The following STPG2 variants were observed in gnomAD, a reference collection of about 807,000 sequenced individuals.
STPG2 encodes sperm-tail PG-rich repeat-containing protein 2.
In STPG2, 56 loss-of-function variants were observed where a neutral mutation model predicts 54.2. The observed-to-expected ratio is 1.03, with a 90% CI of 0.83 to 1.29. The LOEUF (loss-of-function observed/expected upper bound fraction) is 1.29. STPG2 is among the 50% of genes most tolerant of loss of function. The pLI is 0.00. For synonymous variants in STPG2, 200 were observed against 181.8 expected, an observed-to-expected ratio of 1.10 and a Z score of -0.81; for missense variants, 596 against 544.9, an observed-to-expected ratio of 1.09 and a Z score of -0.93.
chr4:97,495,909 C>G (rs528827195), intron 4 of STPG2, among the ~76,000 whole-genome samples: 2 of 151,634 alleles, frequency 1.3e-5, no homozygotes, highest in African/African-American at 4.8e-5. Flanking sequence ...CCACATGAAT[C>G]TAAATATTTG....
intron 9 of STPG2, among the ~76,000 whole-genome samples, chr4:97,798,288 T>G (rs1029162099): frequency 6.6e-5 from 10 of 152,338 alleles, no homozygotes; most frequent in South Asian, 6.2e-4. Context: ...GTGTCAATTT[T>G]AGATCTTTCC....
rs111487841 is a variant in STPG2 at position 97,526,150 on chromosome 4, G to T, written c.462+186549C>A. Reference sequence around the variant, plus strand: ...CTTCATGTAGATTATTAATTTGCAGGGTCCTTCAAAGTTATTAAAAGTTAA... The same window carrying T: ...CTTCATGTAGATTATTAATTTGCAGTGTCCTTCAAAGTTATTAAAAGTTAA... On this transcript the variant is annotated intron_variant, in intron 4 of 4. Transcript: ENST00000522676. Among the ~76,000 whole-genome samples the T allele has an allele frequency of 5.5e-3, 838 of 151,726 alleles. 8 individuals carry two copies. Among genetic ancestry groups the T allele is most frequent in the Middle Eastern group, 0.021 (6 of 292 alleles).
intron 1 of STPG2, among the ~76,000 whole-genome samples, chr4:98,142,654 G>C (rs1740331082): frequency 6.6e-6 from 1 of 152,140 alleles, no homozygotes. Context: ...TGGTTAATGG[G>C]AGGAAAGATG....
chr4:97,908,199 G>T (rs34599924), intron 8 of STPG2, among the ~76,000 whole-genome samples: 1 of 152,068 alleles, frequency 6.6e-6, no homozygotes, highest in Non-Finnish European at 1.5e-5. Context: ...CAAAAAGTGG[G>T]CAAAGGACAT....
intron 7 of STPG2, among the ~76,000 whole-genome samples, chr4:97,957,225 AAAT>A (rs1231878865): frequency 7.1e-6 from 1 of 140,586 alleles, no homozygotes; most frequent in Non-Finnish European, 1.6e-5. Flanking sequence ...TAAACAGTAT[AAAT>A]AAAAAACAAT....
intron 9 of STPG2, among the ~76,000 whole-genome samples, chr4:97,780,802 G>T (rs1331312929): frequency 1.3e-5 from 2 of 151,952 alleles, no homozygotes; most frequent in Non-Finnish European, 2.9e-5. Context: ...CAACTACATG[G>T]AACCTGAACA....
chr4:98,035,747 C>T (rs1343336979), intron 5 of STPG2, among the ~76,000 whole-genome samples: 1 of 152,168 alleles, frequency 6.6e-6, no homozygotes, highest in Non-Finnish European at 1.5e-5. Flanking sequence ...ACATATACAC[C>T]ATGGAATACT....
At chr4:97,775,312 T>A (rs150326871) in intron 9 of STPG2, among the ~76,000 whole-genome samples, 1,635 of 152,288 alleles carry the variant, frequency 0.011, 29 homozygotes, top group African/African-American at 0.037. Flanking sequence ...CGTGCAGGTT[T>A]GTTACATATG....
intron 3 of STPG2, among the ~76,000 whole-genome samples, chr4:98,113,752 T>C (rs4699602): frequency 0.38 from 57,559 of 151,818 alleles, 11,154 homozygotes; most frequent in African/African-American, 0.45. Context: ...CCCCTTGTCA[T>C]GTCCTTGAAG....
intron 5 of STPG2, among the ~76,000 whole-genome samples, chr4:98,081,767 G>C (rs1214277891): frequency 6.6e-6 from 1 of 152,156 alleles, no homozygotes; most frequent in Non-Finnish European, 1.5e-5. Flanking sequence ...AGGATGGCTA[G>C]AATGCTGCAA....
intron 8 of STPG2, among the ~76,000 whole-genome samples, chr4:97,933,395 T>C (rs1046640353): frequency 1.6e-4 from 24 of 152,322 alleles, no homozygotes; most frequent in Non-Finnish European, 3.5e-4. Context: ...ATTTTTTCTT[T>C]TGTTGAAATT....
intron 5 of STPG2, among the ~76,000 whole-genome samples, chr4:97,986,909 G>C (rs534070214): frequency 1.9e-4 from 29 of 152,258 alleles, no homozygotes; most frequent in African/African-American, 6.3e-4. Context: ...AGAAAAGCAG[G>C]AGATGCATCA....
At chr4:97,930,229 G>A (rs1218616761) in intron 8 of STPG2, among the ~76,000 whole-genome samples, 2 of 152,088 alleles carry the variant, frequency 1.3e-5, no homozygotes, top group Non-Finnish European at 2.9e-5. Context: ...TACTTTTGGT[G>A]TCTTTGTCAT....
At position 97,697,560 on chromosome 4, in the gene STPG2, A is replaced by T. The variant is rs1401839165; in HGVS notation, c.1320+15139T>A. On this transcript the variant is annotated intron_variant, in intron 10 of 10. Transcript: ENST00000295268. The stretch of plus-strand genomic sequence containing the variant: ...TCCTGATTCCTGCGAGAAGTAGCTC[A>T]CTGTGATAAAGCCACCTTTGCTTTT... Among the ~76,000 whole-genome samples the T allele has an allele frequency of 2.0e-5, 3 of 152,204 alleles. No individual in the cohort carries two copies. In the East Asian group the frequency reaches 5.8e-4, roughly 29 times the overall value.
intron 10 of STPG2, among the ~76,000 whole-genome samples, chr4:97,560,044 T>C (rs922336484): frequency 1.3e-5 from 2 of 152,160 alleles, no homozygotes; most frequent in Admixed American, 6.6e-5. Context: ...TTAAACAGTG[T>C]CTGCTCTCAT....
intron 9 of STPG2, among the ~76,000 whole-genome samples, chr4:97,818,012 C>T (rs1387785475): frequency 6.6e-6 from 1 of 151,554 alleles, no homozygotes; most frequent in East Asian, 1.9e-4. Flanking sequence ...TTTTTTTGGC[C>T]ATTTCCTTCC....
intron 8 of STPG2, among the ~76,000 whole-genome samples, chr4:97,914,665 C>T (rs554405803): frequency 1.3e-5 from 2 of 152,226 alleles, no homozygotes; most frequent in South Asian, 4.2e-4. Flanking sequence ...ATTCTTGAGA[C>T]CAGAAGTGTT....
chr4:97,542,321 G>C (rs1265194572), intron 4 of STPG2, among the ~76,000 whole-genome samples: 10 of 152,028 alleles, frequency 6.6e-5, no homozygotes, highest in Non-Finnish European at 1.0e-4. Context: ...TATGTACAGA[G>C]ACTTCTCAAA....
intron 9 of STPG2, among the ~76,000 whole-genome samples, chr4:97,736,793 C>CA (rs1294593167): frequency 2.0e-5 from 3 of 152,182 alleles, no homozygotes; most frequent in Non-Finnish European, 4.4e-5. Context: ...CACAAACAAA[C>CA]AAAAAGACAG....
Sources: allele counts gnomAD v4.1 joint callset (sites outside exome capture counted in the v4.1 genomes callset), GRCh38; gene constraint gnomAD v4.1.1; transcripts MANE v1.5; gene names NCBI Gene and HGNC (gene_info 2026-07-23, HGNC 2026-07-21).